Variants in SCNN1B observed in about 807,000 individuals in gnomAD.
The protein encoded by SCNN1B is sodium channel epithelial 1 subunit beta, also known as epithelial sodium channel subunit beta.
A neutral mutation model predicts 65.3 loss-of-function variants in SCNN1B; 46 were observed. The ratio of observed to expected loss-of-function variants is 0.70; its 90% CI spans 0.56 to 0.90. The LOEUF is 0.90. Ranked by LOEUF, SCNN1B falls within the 40% of genes least tolerant of loss-of-function variation. The probability of loss-of-function intolerance (pLI) is 0.00; values close to 1 mark genes in which losing one functional copy is unlikely to be tolerated. For synonymous variants in SCNN1B, 349 were observed against 330.6 expected (o/e 1.06, Z -0.60); for missense variants, 751 against 830.5 (o/e 0.90, Z 1.18).
chr16:23,314,952 T>G (rs1000126284), intron 1 of SCNN1B, among the ~76,000 whole-genome samples: 16 of 152,112 alleles, frequency 1.1e-4, no homozygotes, highest in Admixed American at 5.2e-4. Flanking sequence ...GGGGAACGCG[T>G]GGCCCAGACC....
intron 1 of SCNN1B, chr16:23,323,594 A>C (rs1961633081): frequency 1.4e-6 from 1 of 703,000 alleles, no homozygotes; most frequent in Non-Finnish European, 2.6e-6. Context: ...TAAATTCCAC[A>C]AGGTCACACA....
intron 1 of SCNN1B, among the ~76,000 whole-genome samples, chr16:23,319,427 A>G (rs1281702318): frequency 1.3e-5 from 2 of 152,134 alleles, no homozygotes; most frequent in Admixed American, 6.5e-5. Flanking sequence ...TGTTTGATCC[A>G]CCAGCTGTTT....
At chr16:23,294,896 G>A (rs907168874) in intron 2 of SCNN1B, among the ~76,000 whole-genome samples, 12 of 152,096 alleles carry the variant, frequency 7.9e-5, no homozygotes, top group African/African-American at 2.7e-4. Flanking sequence ...GGGAGGCTGA[G>A]GCAGGAGAAT....
intron 1 of SCNN1B, among the ~76,000 whole-genome samples, chr16:23,309,445 T>C (rs1596821674): frequency 1.3e-5 from 2 of 149,300 alleles, no homozygotes; most frequent in South Asian, 2.1e-4. Flanking sequence ...GATAGACAGA[T>C]AGATAGCTAA....
chr16:23,358,127 A>AGCTGG (rs1412382254), intron 4 of SCNN1B: 1 of 152,278 alleles, frequency 6.6e-6, no homozygotes, highest in Non-Finnish European at 1.5e-5. Flanking sequence ...CCTCATGGGT[A>AGCTGG]GCTGGGCTGG....
At chr16:23,372,084 C>A in intron 7 of SCNN1B, 1 of 634,462 alleles carries the variant, frequency 1.6e-6, no homozygotes, top group South Asian at 1.7e-5. Context: ...CACTTCTCAT[C>A]CCCACATTGG....
At chr16:23,326,363 C>G (rs1336845151) in intron 1 of SCNN1B, among the ~76,000 whole-genome samples, 1 of 151,708 alleles carries the variant, frequency 6.6e-6, no homozygotes, top group Non-Finnish European at 1.5e-5. Context: ...ATCCTGCTAC[C>G]CAGAGATAAT....
chr16:23,380,726 G>C lies in SCNN1B; in HGVS notation c.1848G>C (p.Pro616=). Residue 616 remains proline (P), a synonymous_variant, in exon 13 of 13, where the codon CCG becomes CCC. Transcript: ENST00000343070. This position sits in a 1 kb window ranked among gnomAD's most constrained non-coding sequence, Gnocchi z 5.4. ...AGGCCCTGCCCATCCCAGGCACCCC[G>C]CCCCCCAACTATGACTCCCTGCGTC... ...SEQALPIPGT[P]PPNYDSLRLQ... is the part of the protein sequence containing the mutation. 6.2e-7 allele frequency: 1 copy of C among 1,611,306 alleles called. No homozygotes were observed. Among genetic ancestry groups the C allele is most frequent in the South Asian group, 1.1e-5 (1 of 91,008 alleles).
chr16:23,334,209 G>A (rs981901894), intron 1 of SCNN1B, among the ~76,000 whole-genome samples: 3 of 152,088 alleles, frequency 2.0e-5, no homozygotes, highest in Admixed American at 6.5e-5. Flanking sequence ...ACATCTCCAC[G>A]TGGTGTGGGA....
chr16:23,369,460 G>A (rs1962738372), intron 5 of SCNN1B, among the ~76,000 whole-genome samples: 1 of 152,150 alleles, frequency 6.6e-6, no homozygotes, highest in Non-Finnish European at 1.5e-5. Context: ...GTGGGGCATG[G>A]TGGATGACGG....
intron 1 of SCNN1B, among the ~76,000 whole-genome samples, chr16:23,279,379 C>T (rs767345080): frequency 2.6e-5 from 4 of 152,126 alleles, no homozygotes; most frequent in Non-Finnish European, 4.4e-5. Context: ...CACGCCCAGC[C>T]GTGGTCTGAA....
At chr16:23,313,910 G>C (rs1961397359) in intron 1 of SCNN1B, among the ~76,000 whole-genome samples, 1 of 152,174 alleles carries the variant, frequency 6.6e-6, no homozygotes, top group Non-Finnish European at 1.5e-5. Flanking sequence ...CACCCGGCCA[G>C]CAGCATTTTT....
chr16:23,379,037 G>A (rs911140669), intron 11 of SCNN1B, among the ~76,000 whole-genome samples: 121 of 133,662 alleles, frequency 9.1e-4, no homozygotes, highest in East Asian at 1.2e-3. Flanking sequence ...CCACCCACGC[G>A]CCCAGCCATC....
At chr16:23,377,498 C>T in intron 10 of SCNN1B, 112 bp downstream of exon 10, 1 of 868,806 alleles carries the variant, frequency 1.2e-6, no homozygotes, top group Non-Finnish European at 1.9e-6. Context: ...TCCCTCCCTC[C>T]TTCCTTCCTT....
rs2141968915 is a variant in SCNN1B, at chr16:23,287,427, G to A, written n.178+3623G>A. On this transcript the variant is annotated intron_variant and non_coding_transcript_variant, in intron 2 of 3. Coordinates refer to the SCNN1B transcript ENST00000569789. ...AGGGTGACCGGGGAAATGCTAATATGAGGAATTACATGTTAATAAAGATCC... is the reference window on the plus strand; with the variant it reads ...AGGGTGACCGGGGAAATGCTAATATAAGGAATTACATGTTAATAAAGATCC... Among the ~76,000 whole-genome samples, 3 of 152,178 alleles carry A rather than the reference G, an allele frequency of 2.0e-5. No individual in the cohort carries two copies. The South Asian group carries it at 6.2e-4, about 32-fold the overall frequency.
upstream of SCNN1B, among the ~76,000 whole-genome samples, chr16:23,301,081 T>C (rs928554935): frequency 4.0e-5 from 6 of 151,654 alleles, no homozygotes; most frequent in African/African-American, 1.5e-4. Flanking sequence ...AGAAGATTCC[T>C]GGCTGGGCAT....
chr16:23,373,547 G>C (rs1009397295), intron 7 of SCNN1B, among the ~76,000 whole-genome samples: 14 of 152,190 alleles, frequency 9.2e-5, no homozygotes, highest in African/African-American at 3.4e-4. Context: ...GGAGAGGGCA[G>C]ACTGAATCCT....
At chr16:23,287,010 T>G (rs562996996) in intron 2 of SCNN1B, among the ~76,000 whole-genome samples, 50 of 149,802 alleles carry the variant, frequency 3.3e-4, no homozygotes, top group Non-Finnish European at 6.1e-4. Context: ...CTGGGTTGTT[T>G]TTTTTTTTTT....
intron 1 of SCNN1B, among the ~76,000 whole-genome samples, chr16:23,304,930 A>C (rs567733568): frequency 6.6e-6 from 1 of 152,300 alleles, no homozygotes; most frequent in African/African-American, 2.4e-5. Context: ...TTAGGGACTC[A>C]TCAGCATCAG....
Sources: gnomAD v4.1 joint callset for allele counts (sites outside exome capture counted in the v4.1 genomes callset) on GRCh38, gnomAD v4.1.1 for gene constraint, Gnocchi (gnomAD v3.1) non-coding constraint, MANE v1.5 for transcripts, NCBI Gene and HGNC (gene_info 2026-07-23, HGNC 2026-07-21) for gene names.